Variants in MCC observed in about 807,000 individuals in gnomAD.
The protein encoded by MCC is MCC regulator of Wnt signaling pathway, also known as colorectal mutant cancer protein.
A neutral mutation model predicts 116.2 loss-of-function variants in MCC; 90 were observed. The observed-to-expected ratio is 0.77, with a 90% CI of 0.65 to 0.92. The LOEUF (loss-of-function observed/expected upper bound fraction) is 0.92, where lower values mean the gene tolerates loss of function less well. Among genes scored for constraint, MCC ranks in the 40% least tolerant of loss-of-function variants. MCC has a pLI of 0.00. For missense variants in MCC, 1,516 were observed against 1,312.2 expected (o/e 1.16, Z -2.40); for synonymous variants, 578 against 510.5 (o/e 1.13, Z -1.78).
chr5:113,413,903 G>C (rs943956120), intron 1 of MCC, among the ~76,000 whole-genome samples: 1 of 152,120 alleles, frequency 6.6e-6, no homozygotes, highest in African/African-American at 2.4e-5. Context: ...TCTCTTGTAG[G>C]CATTTAGTGC....
intron 3 of MCC, among the ~76,000 whole-genome samples, chr5:113,298,215 G>C (rs1268077324): frequency 6.6e-6 from 1 of 152,226 alleles, no homozygotes; most frequent in African/African-American, 2.4e-5. Context: ...GAATAAAAGA[G>C]GAAATGATAC....
At chr5:113,069,208 T>G (rs1753849809) in intron 12 of MCC, among the ~76,000 whole-genome samples, 1 of 152,202 alleles carries the variant, frequency 6.6e-6, no homozygotes, top group Admixed American at 6.5e-5. Context: ...TCTATTAGAT[T>G]CTCATAAAAC....
At chr5:113,069,877 C>A (rs184570314) in intron 12 of MCC, among the ~76,000 whole-genome samples, 1 of 152,330 alleles carries the variant, frequency 6.6e-6, no homozygotes, top group African/African-American at 2.4e-5. Flanking sequence ...TGAGCCACCG[C>A]GCCCAGCGTC....
chr5:113,155,112 C>T (rs1285213645), intron 3 of MCC, among the ~76,000 whole-genome samples: 2 of 152,116 alleles, frequency 1.3e-5, no homozygotes, highest in African/African-American at 4.8e-5. Context: ...TTTTAGCTCC[C>T]AGTATGAGTA....
chr5:113,107,208 CTTT>C (rs746820475), intron 6 of MCC, among the ~76,000 whole-genome samples: 2 of 125,070 alleles, frequency 1.6e-5, no homozygotes, highest in Non-Finnish European at 3.1e-5. Context: ...GCATGTTTTT[CTTT>C]TTTTTTTTTC....
chr5:113,060,824 A>C (rs772860241), intron 14 of MCC, among the ~76,000 whole-genome samples: 2 of 152,152 alleles, frequency 1.3e-5, no homozygotes, highest in Non-Finnish European at 2.9e-5. Context: ...GCTCACTAAC[A>C]CCAGTAAGCG....
At chr5:113,162,602 T>A (rs79868236) in intron 3 of MCC, among the ~76,000 whole-genome samples, 1 of 152,048 alleles carries the variant, frequency 6.6e-6, no homozygotes, top group African/African-American at 2.4e-5. Context: ...GCTCAAGTCA[T>A]CTTCCCACCT....
At chr5:113,205,845 G>A (rs1167774699) in intron 3 of MCC, among the ~76,000 whole-genome samples, 2 of 152,220 alleles carry the variant, frequency 1.3e-5, no homozygotes, top group African/African-American at 4.8e-5. Context: ...AGCTGATGGG[G>A]CTAACAATGA....
intron 1 of MCC, among the ~76,000 whole-genome samples, chr5:113,414,987 G>T (rs1580347833): frequency 6.6e-6 from 1 of 152,148 alleles, no homozygotes; most frequent in South Asian, 2.1e-4. Context: ...ATCAGCATTT[G>T]CTTGTCTGTA....
At chr5:113,134,886 T>A (rs1182437601) in intron 5 of MCC, among the ~76,000 whole-genome samples, 2 of 151,810 alleles carry the variant, frequency 1.3e-5, no homozygotes, top group African/African-American at 4.8e-5. Flanking sequence ...CTTGTTTGCA[T>A]CCTCTCCAGT....
intron 1 of MCC, among the ~76,000 whole-genome samples, chr5:113,442,802 T>C (rs1462323366): frequency 6.6e-6 from 1 of 152,162 alleles, no homozygotes; most frequent in Non-Finnish European, 1.5e-5. Context: ...AAAGATCAGA[T>C]AGTTGTAGAT....
chr5:113,386,824 T>TAA (rs1367288287), intron 1 of MCC, among the ~76,000 whole-genome samples: 79 of 90,644 alleles, frequency 8.7e-4, no homozygotes, highest in African/African-American at 4.3e-3. Context: ...TACACATATA[T>TAA]TTGTAAAGTA....
At chr5:113,305,177 G>A (rs775623013) in intron 3 of MCC, among the ~76,000 whole-genome samples, 1 of 152,162 alleles carries the variant, frequency 6.6e-6, no homozygotes, top group Non-Finnish European at 1.5e-5. Context: ...GGACTGCTAT[G>A]GTAGGGATTT....
chr5:113,340,784 G>T, intron 2 of MCC, 54 bp from the exon 3 acceptor site: 4 of 1,478,944 alleles, frequency 2.7e-6, no homozygotes, highest in East Asian at 2.3e-5. Flanking sequence ...ATTAGCCTGT[G>T]GGTGGCCAAT....
chr5:113,147,370 G>T, intron 4 of MCC, among the ~76,000 whole-genome samples: 1 of 152,294 alleles, frequency 6.6e-6, no homozygotes, highest in African/African-American at 2.4e-5. Context: ...GCAATGTGGT[G>T]ATGCTAAGCA....
intron 2 of MCC, among the ~76,000 whole-genome samples, chr5:113,342,638 G>C (rs1339605523): frequency 1.3e-5 from 2 of 152,206 alleles, no homozygotes; most frequent in East Asian, 3.8e-4. Flanking sequence ...CCTGATGCTT[G>C]AGTTGTCACT....
At chr5:113,119,511 G>A (rs1444074694) in intron 6 of MCC, among the ~76,000 whole-genome samples, 1 of 152,182 alleles carries the variant, frequency 6.6e-6, no homozygotes, top group African/African-American at 2.4e-5. Context: ...GGCTGCAGCT[G>A]GAAGAAAAAC....
chr5:113,140,477 C>T (rs1163125043), intron 5 of MCC, among the ~76,000 whole-genome samples: 1 of 152,178 alleles, frequency 6.6e-6, no homozygotes, highest in East Asian at 1.9e-4. Context: ...GCCATGAATT[C>T]AACTCACATT....
At chr5:113,416,969 C>CTT (rs148628081) in intron 1 of MCC, among the ~76,000 whole-genome samples, 1,228 of 122,478 alleles carry the variant, frequency 0.01, 49 homozygotes, top group African/African-American at 0.025. Context: ...TGTGAATTGC[C>CTT]TTTTTTTTTT....
Sources: gnomAD v4.1 joint callset for allele counts (sites outside exome capture counted in the v4.1 genomes callset) on GRCh38, gnomAD v4.1.1 for gene constraint, MANE v1.5 for transcripts, NCBI Gene and HGNC (gene_info 2026-07-23, HGNC 2026-07-21) for gene names.